THG1L: variants seen among roughly 807,000 people sequenced by gnomAD.
THG1L encodes probable tRNA(His) guanylyltransferase.
In THG1L, 27 loss-of-function variants were observed where a neutral mutation model predicts 35.2. The observed-to-expected ratio is 0.77, with a 90% CI of 0.57 to 1.06. The LOEUF (loss-of-function observed/expected upper bound fraction) is 1.06. Ranked by LOEUF, THG1L falls within the 50% of genes least tolerant of loss-of-function variation. The probability of loss-of-function intolerance (pLI) is 0.00; values close to 1 mark genes in which losing one functional copy is unlikely to be tolerated. For synonymous variants in THG1L, 135 were observed against 132.4 expected (o/e 1.02, Z -0.14); for missense variants, 377 against 371.8 (o/e 1.01, Z -0.12).
At chr5:157,734,872 T>A in intron 3 of THG1L, 127 bp downstream of exon 3, 1 of 1,004,122 alleles carries the variant, frequency 1.0e-6, no homozygotes, top group Non-Finnish European at 1.4e-6. Context: ...ATGCAGTATT[T>A]AAATATTTTT....
At chr5:157,732,245 G>A (rs28645671) in intron 1 of THG1L, among the ~76,000 whole-genome samples, 5,972 of 44,590 alleles carry the variant, frequency 0.13, 239 homozygotes, top group African/African-American at 0.18. Context: ...AAAAAAAAAA[G>A]AGAGAGAGAG....
In THG1L at chr5:157,731,490, C is replaced by T; in HGVS notation, c.50C>T (p.Ser17Phe). The change falls in exon 1 of 6, where the codon TCC becomes TTC. Residue 17 changes from serine (S) to phenylalanine (F), a missense_variant. Transcript: ENST00000231198. ...GTTCACGATTCCTTGGCCACCATTT[C>T]CATCACTCTGAGACGGTACCTGAGA... ...VKVHDSLATI[S>F]ITLRRYLRLG... 1 of 1,610,580 alleles carries T rather than the reference C, an allele frequency of 6.2e-7. No homozygotes were observed. The highest frequency in any genetic ancestry group is 8.5e-7 in the Non-Finnish European group (1 of 1,178,302).
intron 4 of THG1L, among the ~76,000 whole-genome samples, chr5:157,736,793 T>G (rs1174156476): frequency 6.6e-6 from 1 of 152,144 alleles, no homozygotes; most frequent in Non-Finnish European, 1.5e-5. Context: ...ACCTCATAGG[T>G]TTATGGTGAG....
At position 157,739,332 on chromosome 5, in the gene THG1L, G is replaced by A. The variant is rs780775062; in HGVS notation, c.747G>A (p.Val249=). ...TVLIWQKVDE[V]MTKEIKLPTE... Reference sequence around the variant, plus strand: ...ATTTTTACCTGTAGGTGGATGAAGTGATGACAAAAGAAATTAAGCTGCCAA... The same window carrying A: ...ATTTTTACCTGTAGGTGGATGAAGTAATGACAAAAGAAATTAAGCTGCCAA... The change falls in exon 6 of 6, where the codon GTG becomes GTA. Residue 249 remains valine, a synonymous_variant. Transcript: ENST00000231198. The A allele has an allele frequency of 1.2e-6, 2 of 1,613,056 alleles. No homozygotes were observed. Among genetic ancestry groups the A allele is most frequent in the East Asian group, 4.5e-5 (2 of 44,824 alleles).
At chr5:157,737,231 A>G (rs1190713517) in intron 4 of THG1L, among the ~76,000 whole-genome samples, 2 of 152,072 alleles carry the variant, frequency 1.3e-5, no homozygotes, top group Non-Finnish European at 2.9e-5. Context: ...TGGTTCACGC[A>G]TGTAATCCCA....
chr5:157,738,174 C>T (rs372906530), intron 5 of THG1L, among the ~76,000 whole-genome samples, 180 bp downstream of exon 5: 5 of 152,066 alleles, frequency 3.3e-5, no homozygotes, highest in Non-Finnish European at 7.3e-5. Context: ...AGTAGTGGTC[C>T]GAAATCTCCC....
intron 4 of THG1L, among the ~76,000 whole-genome samples, chr5:157,736,951 GTATTT>G: frequency 6.6e-6 from 1 of 152,010 alleles, no homozygotes; most frequent in Non-Finnish European, 1.5e-5. Context: ...TCTTTTATTT[GTATTT>G]TATTTTATCT....
Position 157,739,380 on chromosome 5 carries a change from G to A in THG1L, c.795G>A (p.Met265Ile). 1 of 1,613,812 alleles carries A rather than the reference G, an allele frequency of 6.2e-7. No homozygotes were observed. Among genetic ancestry groups the A allele is most frequent in the African/African-American group, 1.3e-5 (1 of 75,028 alleles). The change falls in exon 6 of 6, where the codon ATG becomes ATA. Residue 265 changes from methionine to isoleucine, a missense_variant. By Grantham distance (10) the Met-to-Ile change is conservative (BLOSUM62 1). Transcript: ENST00000231198. The part of the protein sequence containing the change: ...KLPTEMEGKK[M>I]AVTRTRTKPV... ...CAACAGAAATGGAAGGAAAAAAGAT[G>A]GCAGTGACCCGGACCAGGACAAAGC...
At chr5:157,735,809 T>G in intron 3 of THG1L, 37 bp from the exon 4 acceptor site, 1 of 1,361,674 alleles carries the variant, frequency 7.3e-7, no homozygotes, top group South Asian at 1.2e-5. Flanking sequence ...ATAAAGATTT[T>G]ATGTATATAA....
rs766796416 is a variant in THG1L at position 157,739,423 on chromosome 5, G to A, written c.838G>A (p.Asp280Asn). The A allele has an allele frequency of 9.9e-6, 16 of 1,613,522 alleles. No homozygotes were observed. Among genetic ancestry groups the A allele is most frequent in the African/African-American group, 6.7e-5 (5 of 74,906 alleles). The change falls in exon 6 of 6, where the codon GAT becomes AAT. Residue 280 changes from aspartate (D) to asparagine (N), a missense_variant. By Grantham distance (23) the Asp-to-Asn change is conservative. Coordinates refer to ENST00000231198, the MANE Select transcript of THG1L (RefSeq NM_017872.5). ...TRTKPVPLHC[D>N]IIGDAFWKEH... ...GACAAAGCCAGTGCCCTTGCACTGC[G>A]ATATCATCGGGGATGCTTTCTGGAA...
chr5:157,739,057 A>T (rs2113050503), intron 5 of THG1L, among the ~76,000 whole-genome samples: 1 of 152,202 alleles, frequency 6.6e-6, no homozygotes, highest in South Asian at 2.1e-4. Flanking sequence ...TACAGGCGTG[A>T]GCCACCGCGC....
intron 5 of THG1L, 115 bp downstream of exon 5, chr5:157,738,109 C>T (rs1760931246): frequency 1.3e-6 from 1 of 747,140 alleles, no homozygotes; most frequent in Non-Finnish European, 2.2e-6. Context: ...GTTGCTAATG[C>T]AAACCTTTCC....
chr5:157,734,445 G>T, intron 2 of THG1L, 131 bp from the exon 3 acceptor site: 2 of 1,049,168 alleles, frequency 1.9e-6, no homozygotes, highest in Non-Finnish European at 1.4e-6. Flanking sequence ...TTAGCCAAAT[G>T]CATTTTATCT....
At position 157,731,559 on chromosome 5, in the gene THG1L, A is replaced by C; in HGVS notation, c.119A>C (p.Asp40Ala). The change falls in exon 1 of 6, where the codon GAC (aspartate) becomes GCC (alanine). Residue 40 changes from aspartate to alanine, a missense_variant. Transcript: ENST00000231198. ...AAAAGCAAGTTCGAGTACGTGAGGG[A>C]CTTCGAGGCTGACGACACCTGCCTG... is the stretch of plus-strand genomic sequence containing the variant. ...MAKSKFEYVRDFEADDTCLAH... is the reference protein window; with the variant it reads ...MAKSKFEYVRAFEADDTCLAH... 6.2e-7 allele frequency: 1 copy of C among 1,612,078 alleles called. No individual in the cohort carries two copies. Among genetic ancestry groups the C allele is most frequent in the Non-Finnish European group, 8.5e-7 (1 of 1,179,076 alleles).
chr5:157,740,668 C>T lies in THG1L; in HGVS notation c.*1186C>T, dbSNP rs1761011812. The T allele has an allele frequency of 6.6e-6, 1 of 151,758 alleles. No individual in the cohort carries two copies. Among genetic ancestry groups the T allele is most frequent in the South Asian group, 2.1e-4 (1 of 4,802 alleles). The allele number at this position is 151,758 out of a possible 1,614,324, so 9.4% of individuals were successfully genotyped here. A position where few individuals can be genotyped will look rare whatever the true frequency, so the allele number is the denominator to read the frequency against. On this transcript the variant is annotated 3_prime_UTR_variant, in exon 6 of 6. Transcript: ENST00000231198. ...TGTAATCCCAGCACCTTGGGAGGCC[C>T]AGGCAGGCAGATCACCTGAGGTCGG... is the stretch of plus-strand genomic sequence containing the variant.
chr5:157,735,622 T>A (rs1286523291), intron 3 of THG1L, among the ~76,000 whole-genome samples: 2 of 152,242 alleles, frequency 1.3e-5, no homozygotes, highest in Non-Finnish European at 2.9e-5. Flanking sequence ...TTGTATAATG[T>A]GTAACTGAAA....
In THG1L at chr5:157,731,683, C is replaced by A. The variant is rs756419333; in HGVS notation, c.191+52C>A. 3.2e-6 allele frequency: 5 copies of A among 1,546,370 alleles called. No individual in the cohort carries two copies. In the East Asian group the frequency reaches 6.9e-5, roughly 21 times the overall value. ...CGATGCGCCAGCGCTTCCGGGGAAT[C>A]CAGCTTCTTCCCTTGCAAGTCCTCC... On this transcript the variant is annotated intron_variant, in intron 1 of 5. Coordinates refer to ENST00000231198, the MANE Select transcript of THG1L (RefSeq NM_017872.5).
chr5:157,731,919 A>T (rs1355035817), intron 1 of THG1L, among the ~76,000 whole-genome samples: 1 of 152,224 alleles, frequency 6.6e-6, no homozygotes, highest in Non-Finnish European at 1.5e-5. Context: ...TGTTGTTAAA[A>T]GTCACTCTCA....
chr5:157,731,717 C>A, intron 1 of THG1L, 86 bp downstream of exon 1: 3 of 1,485,170 alleles, frequency 2.0e-6, no homozygotes, highest in South Asian at 1.3e-5. Context: ...CCCGCCCGCT[C>A]CAGTCACGGT....
Sources: gnomAD v4.1 joint callset for allele counts (sites outside exome capture counted in the v4.1 genomes callset) on GRCh38, gnomAD v4.1.1 for gene constraint, MANE v1.5 for transcripts, NCBI Gene and HGNC (gene_info 2026-07-23, HGNC 2026-07-21) for gene names.